Variants in ZSWIM8 observed in about 807,000 individuals in gnomAD.
The protein encoded by ZSWIM8 is zinc finger SWIM-type containing 8, also known as zinc finger SWIM domain-containing protein 8.
Under a neutral mutation model 173.7 loss-of-function variants are expected in ZSWIM8, and 27 were observed. The ratio of observed to expected loss-of-function variants is 0.16; its 90% confidence interval spans 0.11 to 0.21. ZSWIM8 has a LOEUF of 0.21. Among genes scored for constraint, ZSWIM8 ranks in the 10% least tolerant of loss-of-function variants. The pLI is 1.00. For missense variants in ZSWIM8, 1,627 were observed against 2,428.8 expected (o/e 0.67, Z 6.94); for synonymous variants, 958 against 962.0 (o/e 1.00, Z 0.08).
In ZSWIM8 at chr10:73,796,800, G is replaced by A. The variant is rs1167883377; in HGVS notation, c.3060G>A (p.Glu1020=). 2.5e-6 allele frequency: 4 copies of A among 1,613,736 alleles called. No individual in the cohort carries two copies. Among genetic ancestry groups the A allele is most frequent in the African/African-American group, 1.3e-5 (1 of 74,924 alleles). ...TCTTAGACAAACTCTTGGACCGAGAGAGCCAGACACATAAGCCACAGACGC... is the reference window on the plus strand; with the variant it reads ...TCTTAGACAAACTCTTGGACCGAGAAAGCCAGACACATAAGCCACAGACGC... ...KKILDKLLDR[E]SQTHKPQTLS... The change falls in exon 16 of 26, where the codon GAG becomes GAA. Residue 1020 remains glutamate, a synonymous_variant. Transcript: ENST00000604729.
rs1421926073 is a variant in ZSWIM8 at position 73,791,018 on chromosome 10, G to A, written c.985G>A (p.Ala329Thr). 1.2e-6 allele frequency: 2 copies of A among 1,613,238 alleles called. No individual in the cohort carries two copies. Among genetic ancestry groups the A allele is most frequent in the Non-Finnish European group, 1.7e-6 (2 of 1,179,888 alleles). Residue 329 changes from alanine to threonine, a missense_variant, in exon 8 of 26, where the codon GCT (alanine) becomes ACT (threonine). Physicochemically the swap from Ala to Thr is moderately conservative, Grantham distance 58 (BLOSUM62 0). Transcript: ENST00000604729. This position sits in a 1 kb window ranked among gnomAD's most constrained non-coding sequence, Gnocchi z 6.0. ...MYLSSTEPPA[A>T]AEWACLLRPL... is the part of the protein sequence containing the mutation. Reference sequence around the variant, plus strand: ...TCTGTCTTCCACGGAGCCGCCAGCCGCTGCTGAATGGGCATGTCTGCTGCG... The same window carrying A: ...TCTGTCTTCCACGGAGCCGCCAGCCACTGCTGAATGGGCATGTCTGCTGCG...
rs1413503569 is a variant in ZSWIM8, at chr10:73,792,002, A to G, written c.1463A>G (p.Glu488Gly). 1 of 1,550,866 alleles carries G rather than the reference A, an allele frequency of 6.4e-7. No individual in the cohort carries two copies. Among genetic ancestry groups the G allele is most frequent in the African/African-American group, 1.4e-5 (1 of 73,058 alleles). Reference sequence around the variant, plus strand: ...GAGGCCTGCTACTTCAACTGGGAAGAGGCCTACCCACTTCCTGGTGTCACC... The same window carrying G: ...GAGGCCTGCTACTTCAACTGGGAAGGGGCCTACCCACTTCCTGGTGTCACC... ...AVEACYFNWEEAYPLPGVTYS... is the reference protein window; with the variant it reads ...AVEACYFNWEGAYPLPGVTYS... Residue 488 changes from glutamate (E) to glycine (G), a missense_variant, in exon 10 of 26, where the codon GAG becomes GGG. Glu to Gly is a moderately conservative substitution (Grantham distance 98). Around this residue, in one of 18 missense-constraint regions of ZSWIM8, gnomAD observed 103 missense variants for 155.6 expected, o/e 0.66. Coordinates refer to ENST00000604729, the MANE Select transcript of ZSWIM8 (RefSeq NM_001367799.1). This position sits in a 1 kb window ranked among gnomAD's most constrained non-coding sequence, Gnocchi z 4.3.
rs1300887623 is a variant in ZSWIM8, at chr10:73,799,158, A to G, written c.4333A>G (p.Ser1445Gly). The G allele has an allele frequency of 6.2e-7, 1 of 1,612,532 alleles. No individual in the cohort carries two copies. The highest frequency in any genetic ancestry group is 8.5e-7 in the Non-Finnish European group (1 of 1,179,304). The change falls in exon 21 of 26, where the codon AGC (serine) becomes GGC (glycine). Residue 1445 changes from serine (S) to glycine (G), a missense_variant. Transcript: ENST00000604729. ...GSSTAREGAT[S>G]CSASGIRAGG... ...ATCCACAGCCCGTGAAGGGGCTACA[A>G]GCTGTAGTGCCAGTGGGATCAGGGC...
At position 73,789,867 on chromosome 10, in the gene ZSWIM8, A is replaced by G; in HGVS notation, c.738+43A>G. The stretch of plus-strand genomic sequence containing the variant: ...CCCCTCCTGCAATTAGCTCCGGGCC[A>G]GGCCGCATAACAGCCTTCCTGTTAG... On this transcript the variant is annotated intron_variant, in intron 5 of 25. Transcript: ENST00000604729. The surrounding 1 kb of genome is among the most constrained non-coding windows in gnomAD (Gnocchi z 6.8). 6.3e-7 allele frequency: 1 copy of G among 1,583,676 alleles called. No individual in the cohort carries two copies. Among genetic ancestry groups the G allele is most frequent in the Non-Finnish European group, 8.6e-7 (1 of 1,163,710 alleles).
At chr10:73,786,173 C>A in intron 1 of ZSWIM8, 87 bp downstream of exon 1, 3 of 1,325,772 alleles carry the variant, frequency 2.3e-6, no homozygotes, top group Non-Finnish European at 3.0e-6. Flanking sequence ...TGTCCCCGAC[C>A]AAGAGCTCTC....
rs2083359876 is a variant in ZSWIM8, at chr10:73,789,994, G to A, written c.777G>A (p.Leu259=). ...CTCAGCGTCTCCTGGACGAACTCCT[G>A]TCTTCCCAGTCAACAGCCATCAATA... The part of the protein sequence containing the change: ...PTAQRLLDEL[L]SSQSTAINTV... Residue 259 remains leucine, a synonymous_variant, in exon 6 of 26, where the codon CTG becomes CTA. Transcript: ENST00000604729. This position sits in a 1 kb window ranked among gnomAD's most constrained non-coding sequence, Gnocchi z 6.8. 2 of 1,613,486 alleles carry A rather than the reference G, an allele frequency of 1.2e-6. No homozygotes were observed. The highest frequency in any genetic ancestry group is 1.7e-6 in the Non-Finnish European group (2 of 1,179,708).
At chr10:73,788,914 T>C in intron 2 of ZSWIM8, 91 bp downstream of exon 2, 1 of 1,545,152 alleles carries the variant, frequency 6.5e-7, no homozygotes, top group South Asian at 1.2e-5. Context: ...ACATTGTATT[T>C]GGGGCAGTGG....
Position 73,796,940 on chromosome 10 carries a change from G to A in ZSWIM8, c.3200G>A (p.Gly1067Glu). ...CAACCACTGACCTCAGGCTCTGCAG[G>A]GCCTGCTCAACCAGGGAGTGTGGCA... ...ALQPLTSGSA[G>E]PAQPGSVAGA... The change falls in exon 16 of 26, where the codon GGG becomes GAG. Residue 1067 changes from glycine (G) to glutamate (E), a missense_variant. By Grantham distance (98) the Gly-to-Glu change is moderately conservative. Transcript: ENST00000604729. The A allele has an allele frequency of 1.2e-6, 2 of 1,614,024 alleles. No homozygotes were observed. The highest frequency in any genetic ancestry group is 1.7e-6 in the Non-Finnish European group (2 of 1,179,874).
In ZSWIM8 at chr10:73,791,365, C is replaced by A; in HGVS notation, c.1185C>A (p.His395Gln). 1 of 1,613,588 alleles carries A rather than the reference C, an allele frequency of 6.2e-7. No homozygotes were observed. The highest frequency in any genetic ancestry group is 2.2e-5 in the East Asian group (1 of 44,846). ...ATAGCGTACGTACCTCAGCCTCACA[C>A]AGCAGTGCCAGTGGGCACACGGGCC... Reference protein sequence around the residue: ...WWYSVRTSASHSSASGHTGRS... With the variant: ...WWYSVRTSASQSSASGHTGRS... Residue 395 changes from histidine (H) to glutamine (Q), a missense_variant, in exon 9 of 26, where the codon CAC becomes CAA. His to Gln is a conservative substitution (Grantham distance 24). Transcript: ENST00000604729. The surrounding 1 kb of genome is among the most constrained non-coding windows in gnomAD (Gnocchi z 6.0).
In ZSWIM8 at chr10:73,789,231, C is replaced by G. The variant is rs777919704; in HGVS notation, c.457+41C>G. On this transcript the variant is annotated intron_variant, in intron 3 of 25. Transcript: ENST00000604729. The surrounding 1 kb of genome is among the most constrained non-coding windows in gnomAD (Gnocchi z 6.8). ...TGCCATGTGGCACATCCTGCTCCTCCCATCCCCTGGCTTATGAAGTAAGAA... is the reference window on the plus strand; with the variant it reads ...TGCCATGTGGCACATCCTGCTCCTCGCATCCCCTGGCTTATGAAGTAAGAA... 72 of 1,611,330 alleles carry G rather than the reference C, an allele frequency of 4.5e-5. No homozygotes were observed. The highest frequency in any genetic ancestry group is 5.9e-5 in the Non-Finnish European group (69 of 1,177,676).
At position 73,792,707 on chromosome 10, in the gene ZSWIM8, GAGAGGAGGA is replaced by G; in HGVS notation, c.2169_2177del (p.Glu724_Asp726del). On this transcript the variant is annotated inframe_deletion, in exon 10 of 26. Coordinates refer to ENST00000604729, the MANE Select transcript of ZSWIM8 (RefSeq NM_001367799.1). This position sits in a 1 kb window ranked among gnomAD's most constrained non-coding sequence, Gnocchi z 4.3. ...ACCAAAGAGGCAGCCCCTGCAGTTG[GAGAGGAGGA>G]TGATGACTACCAGGCGTACTATCTG... The G allele has an allele frequency of 6.2e-7, 1 of 1,613,980 alleles. No homozygotes were observed. Among genetic ancestry groups the G allele is most frequent in the Non-Finnish European group, 8.5e-7 (1 of 1,179,896 alleles).
chr10:73,799,917 A>G, intron 21 of ZSWIM8, 94 bp from the exon 22 acceptor site: 2 of 1,377,990 alleles, frequency 1.5e-6, no homozygotes, highest in South Asian at 2.6e-5. Context: ...TATCTCAAAA[A>G]AAACATGTCA....
In ZSWIM8 at chr10:73,789,575, C is replaced by T; in HGVS notation, c.630+36C>T. ...CCCAATTTATCCCGGCCCTATCCTA[C>T]ACTCCATCCCCCCCTTCTCTGCTGC... On this transcript the variant is annotated intron_variant, in intron 4 of 25. Coordinates refer to ENST00000604729, the MANE Select transcript of ZSWIM8 (RefSeq NM_001367799.1). This position sits in a 1 kb window ranked among gnomAD's most constrained non-coding sequence, Gnocchi z 6.8. The T allele has an allele frequency of 6.2e-7, 1 of 1,601,122 alleles. No homozygotes were observed. Among genetic ancestry groups the T allele is most frequent in the Non-Finnish European group, 8.5e-7 (1 of 1,174,376 alleles).
rs187302583 is a variant in ZSWIM8 at position 73,792,970 on chromosome 10, C to T, written c.2313+118C>T. On this transcript the variant is annotated intron_variant, in intron 10 of 25. Coordinates refer to ENST00000604729, the MANE Select transcript of ZSWIM8 (RefSeq NM_001367799.1). This position sits in a 1 kb window ranked among gnomAD's most constrained non-coding sequence, Gnocchi z 4.3. ...AGGATTGTGAGAACCCTGTTGCAGG[C>T]GCCGAACTGGTCTCCCTGCTTTCAG... 1.6e-4 allele frequency: 202 copies of T among 1,258,630 alleles called. 1 individual carries two copies. The East Asian group carries it at 3.1e-3, about 19-fold the overall frequency. The allele number at this position is 1,258,630 out of a possible 1,614,324, so 78.0% of individuals were successfully genotyped here.
Position 73,789,199 on chromosome 10 carries a change from G to C in ZSWIM8, c.457+9G>C. 1 of 1,613,808 alleles carries C rather than the reference G, an allele frequency of 6.2e-7. No homozygotes were observed. The highest frequency in any genetic ancestry group is 8.5e-7 in the Non-Finnish European group (1 of 1,179,704). On this transcript the variant is annotated intron_variant, in intron 3 of 25. Coordinates refer to ENST00000604729, the MANE Select transcript of ZSWIM8 (RefSeq NM_001367799.1). The surrounding 1 kb of genome is among the most constrained non-coding windows in gnomAD (Gnocchi z 6.8). ...GGACCCATTGCAGATAGGTGAGTGGGCCATCATGCCATGTGGCACATCCTG... is the reference window on the plus strand; with the variant it reads ...GGACCCATTGCAGATAGGTGAGTGGCCCATCATGCCATGTGGCACATCCTG...
Position 73,801,401 on chromosome 10 carries a change from G to C in ZSWIM8, c.5387G>C (p.Cys1796Ser). ...NAIRSARSAF[C>S]LTPMGMMQFN... is the part of the protein sequence containing the mutation. ...ATCCGGAGTGCCCGCAGCGCCTTCTGCCTGACGCCCATGGGCATGATGCAG... is the reference window on the plus strand; with the variant it reads ...ATCCGGAGTGCCCGCAGCGCCTTCTCCCTGACGCCCATGGGCATGATGCAG... The change falls in exon 26 of 26, where the codon TGC (cysteine) becomes TCC (serine). Residue 1796 changes from cysteine (C) to serine (S), a missense_variant. Cys to Ser is a moderately radical substitution (Grantham distance 112, BLOSUM62 -1). This residue lies in a region of ZSWIM8 where 122 missense variants were observed against 196.1 expected (regional missense o/e 0.62). Coordinates refer to ENST00000604729, the MANE Select transcript of ZSWIM8 (RefSeq NM_001367799.1). The surrounding 1 kb of genome is among the most constrained non-coding windows in gnomAD (Gnocchi z 4.9). 6.2e-7 allele frequency: 1 copy of C among 1,613,980 alleles called. No homozygotes were observed.
chr10:73,800,002 T>C lies in ZSWIM8; in HGVS notation c.4666-9T>C. 2.5e-6 allele frequency: 4 copies of C among 1,610,494 alleles called. No individual in the cohort carries two copies. The highest frequency in any genetic ancestry group is 3.4e-6 in the Non-Finnish European group (4 of 1,178,150). On this transcript the variant is annotated splice_polypyrimidine_tract_variant and intron_variant, in intron 21 of 25. Coordinates refer to ENST00000604729, the MANE Select transcript of ZSWIM8 (RefSeq NM_001367799.1). The surrounding 1 kb of genome is among the most constrained non-coding windows in gnomAD (Gnocchi z 4.1). ...TTGGCATCTTCCCCTTTCTTCTCCC[T>C]GCCCCTAGGGTGTGCATCCTGCATT... is the stretch of plus-strand genomic sequence containing the variant.
Position 73,785,621 on chromosome 10 carries a change from C to T in ZSWIM8, c.-258C>T, listed in dbSNP as rs979429029. ...GCGGCTCCGCAGCCGCCTAGAGGCC[C>T]CAGCCGCCGAGCGCTTCGTCCCGGC... is the stretch of plus-strand genomic sequence containing the variant. On this transcript the variant is annotated 5_prime_UTR_variant, in exon 1 of 26. Coordinates refer to ENST00000604729, the MANE Select transcript of ZSWIM8 (RefSeq NM_001367799.1). 1.8e-6 allele frequency: 1 copy of T among 563,486 alleles called. No homozygotes were observed. The highest frequency in any genetic ancestry group is 3.4e-6 in the Non-Finnish European group (1 of 294,780). The allele number at this position is 563,486 out of a possible 1,614,324, so 34.9% of individuals were successfully genotyped here.
At chr10:73,795,962 CAAAAAAAAAA>C (rs34801762) in intron 15 of ZSWIM8, among the ~76,000 whole-genome samples, 5 of 58,810 alleles carry the variant, frequency 8.5e-5, no homozygotes, top group East Asian at 4.8e-4. Context: ...GACCCTGTTT[CAAAAAAAAAA>C]AAAAAAAAAA....
Sources: allele counts gnomAD v4.1 joint callset (sites outside exome capture counted in the v4.1 genomes callset), GRCh38; gene constraint gnomAD v4.1.1; regional missense constraint gnomAD v4.1.1; non-coding constraint Gnocchi (gnomAD v3.1); transcripts MANE v1.5; gene names NCBI Gene and HGNC (gene_info 2026-07-23, HGNC 2026-07-21).